The following GLT1D1 variants were observed in gnomAD, a reference collection of about 807,000 sequenced individuals.
The protein encoded by GLT1D1 is glycosyltransferase 1 domain-containing protein 1.
GLT1D1 carries 21 observed loss-of-function variants against 28.7 expected under a neutral mutation model. The observed-to-expected ratio is 0.73, with a 90% CI of 0.52 to 1.05. The LOEUF (loss-of-function observed/expected upper bound fraction) is 1.05. GLT1D1 is among the 50% of genes least tolerant of loss of function. GLT1D1 has a pLI of 0.00. For missense variants in GLT1D1, 343 were observed against 330.6 expected, an observed-to-expected ratio of 1.04 and a Z score of -0.29; for synonymous variants, 147 against 124.8, an observed-to-expected ratio of 1.18 and a Z score of -1.19.
At chr12:128,965,429 A>G (rs1878356142) in intron 7 of GLT1D1, among the ~76,000 whole-genome samples, 1 of 152,148 alleles carries the variant, frequency 6.6e-6, no homozygotes, top group Non-Finnish European at 1.5e-5. Flanking sequence ...CCCAGCCCAA[A>G]CTTTGATCTC....
chr12:128,916,529 T>C (rs905035872), intron 4 of GLT1D1, among the ~76,000 whole-genome samples: 2 of 152,218 alleles, frequency 1.3e-5, no homozygotes, highest in Non-Finnish European at 2.9e-5. Flanking sequence ...GTAGACAGTC[T>C]TTTCAATTTT....
chr12:128,977,630 G>A (rs941856841), intron 7 of GLT1D1, among the ~76,000 whole-genome samples: 2 of 152,124 alleles, frequency 1.3e-5, no homozygotes, highest in Non-Finnish European at 2.9e-5. Context: ...GGCCCCGGAA[G>A]GCATTTGCGT....
At chr12:128,954,523 C>T (rs758178382) in intron 6 of GLT1D1, among the ~76,000 whole-genome samples, 10 of 152,104 alleles carry the variant, frequency 6.6e-5, no homozygotes, top group Non-Finnish European at 1.2e-4. Flanking sequence ...GTGTGGAGTG[C>T]GTTCTCAAGA....
intron 7 of GLT1D1, among the ~76,000 whole-genome samples, chr12:128,970,429 G>C (rs550913264): frequency 6.6e-6 from 1 of 152,336 alleles, no homozygotes; most frequent in South Asian, 2.1e-4. Context: ...GTAGGGTCTT[G>C]CCTGGGCTGT....
intron 4 of GLT1D1, among the ~76,000 whole-genome samples, chr12:128,923,815 T>C (rs780501343): frequency 6.6e-6 from 1 of 152,156 alleles, no homozygotes; most frequent in Non-Finnish European, 1.5e-5. Context: ...CCACTGCGTC[T>C]GGCCAGGATC....
At chr12:128,870,906 G>A (rs1484564386) in intron 1 of GLT1D1, among the ~76,000 whole-genome samples, 3 of 152,104 alleles carry the variant, frequency 2.0e-5, no homozygotes, top group South Asian at 2.1e-4. Flanking sequence ...CACAAGAATC[G>A]CTTGAACCCG....
chr12:128,938,308 G>A (rs1874770577), intron 4 of GLT1D1, among the ~76,000 whole-genome samples: 1 of 152,136 alleles, frequency 6.6e-6, no homozygotes, highest in Non-Finnish European at 1.5e-5. Flanking sequence ...ACTATTAATG[G>A]CAACAACAGC....
chr12:128,978,163 C>T (rs541684664), intron 7 of GLT1D1, among the ~76,000 whole-genome samples: 15 of 152,082 alleles, frequency 9.9e-5, no homozygotes, highest in African/African-American at 3.6e-4. Context: ...GACACCCCCT[C>T]CTCCGGGGTT....
At chr12:128,980,707 G>A (rs759427481) in intron 7 of GLT1D1, among the ~76,000 whole-genome samples, 25 of 152,202 alleles carry the variant, frequency 1.6e-4, no homozygotes, top group Non-Finnish European at 3.5e-4. Flanking sequence ...GGTCTCCAGG[G>A]CCGGGGCGCA....
At chr12:128,933,330 C>T (rs773488244) in intron 4 of GLT1D1, among the ~76,000 whole-genome samples, 1 of 152,266 alleles carries the variant, frequency 6.6e-6, no homozygotes, top group Admixed American at 6.5e-5. Context: ...CACGGGAAGC[C>T]GCCATAGGCG....
chr12:128,853,763 G>C (rs1307990752), intron 1 of GLT1D1, 114 bp downstream of exon 1: 1 of 690,560 alleles, frequency 1.4e-6, no homozygotes, highest in Non-Finnish European at 1.8e-6. Context: ...CGCCGGGGCC[G>C]TCCCGAGCCG....
chr12:128,932,596 T>C (rs1239645321), intron 4 of GLT1D1, among the ~76,000 whole-genome samples: 1 of 152,154 alleles, frequency 6.6e-6, no homozygotes, highest in South Asian at 2.1e-4. Context: ...GTGCACCCTT[T>C]GGTTATGGAT....
intron 2 of GLT1D1, among the ~76,000 whole-genome samples, chr12:128,882,274 ATTTT>A (rs533208189): frequency 7.5e-6 from 1 of 133,530 alleles, no homozygotes; most frequent in Non-Finnish European, 1.6e-5. Flanking sequence ...GTATAACGCA[ATTTT>A]TTTTTTTTTT....
intron 4 of GLT1D1, among the ~76,000 whole-genome samples, chr12:128,929,850 C>G (rs1191396896): frequency 6.6e-6 from 1 of 152,222 alleles, no homozygotes; most frequent in Non-Finnish European, 1.5e-5. Flanking sequence ...GTGGCCTGCA[C>G]CTGTAATCCC....
rs540792647 is a variant in GLT1D1 at position 128,895,690 on chromosome 12, C to T, written c.324-3546C>T. On this transcript the variant is annotated intron_variant, in intron 3 of 7. Coordinates refer to ENST00000281703, the MANE Select transcript of GLT1D1 (RefSeq NM_144669.3). The stretch of plus-strand genomic sequence containing the variant: ...CAGGCTGGTCTCTCAAACTCCTAAC[C>T]TCAGGTGATCCTCCCCCCTCGGCCT... Among the ~76,000 whole-genome samples, 50 of 152,108 alleles carry T rather than the reference C, an allele frequency of 3.3e-4. 1 individual carries two copies. Among genetic ancestry groups the T allele is most frequent in the African/African-American group, 1.2e-3 (49 of 41,490 alleles).
intron 1 of GLT1D1, among the ~76,000 whole-genome samples, chr12:128,874,104 C>CTT (rs1566091156): frequency 1.1e-4 from 5 of 45,816 alleles, no homozygotes; most frequent in African/African-American, 5.3e-4. Flanking sequence ...TTCTTTCTCT[C>CTT]TCTCTCTCTC....
chr12:128,916,645 A>G (rs1346160889), intron 4 of GLT1D1, among the ~76,000 whole-genome samples: 1 of 152,168 alleles, frequency 6.6e-6, no homozygotes, highest in Non-Finnish European at 1.5e-5. Flanking sequence ...CGCGTTGGCC[A>G]TTCATGTATC....
chr12:128,853,761 C>T (rs1314588409), intron 1 of GLT1D1, 112 bp downstream of exon 1: 26 of 690,030 alleles, frequency 3.8e-5, no homozygotes, highest in East Asian at 1.1e-4. Context: ...CGCGCCGGGG[C>T]CGTCCCGAGC....
In GLT1D1 at chr12:128,928,866, C is replaced by G. The variant is rs575257381; in HGVS notation, c.376-16460C>G. Among the ~76,000 whole-genome samples, 4 of 152,260 alleles carry G rather than the reference C, an allele frequency of 2.6e-5. No homozygotes were observed. In the East Asian group the frequency reaches 7.7e-4, roughly 29 times the overall value. The stretch of plus-strand genomic sequence containing the variant: ...CAAACTCCCGACCTCAGGTGATCCA[C>G]CTGCCTCGACCTCACAAAGTGCTGG... On this transcript the variant is annotated intron_variant, in intron 4 of 7. Coordinates refer to ENST00000281703, the MANE Select transcript of GLT1D1 (RefSeq NM_144669.3).
Sources: allele counts gnomAD v4.1 joint callset (sites outside exome capture counted in the v4.1 genomes callset), GRCh38; gene constraint gnomAD v4.1.1; transcripts MANE v1.5; gene names NCBI Gene and HGNC (gene_info 2026-07-23, HGNC 2026-07-21).